The following ZNF585A variants were observed in gnomAD, a reference collection of about 807,000 sequenced individuals.
ZNF585A encodes the protein zinc finger protein 585A.
In ZNF585A, 9 loss-of-function variants were observed where a neutral mutation model predicts 14.9. The observed-to-expected ratio is 0.60, with a 90% CI of 0.36 to 1.05. The LOEUF (loss-of-function observed/expected upper bound fraction) is 1.05. Among genes scored for constraint, ZNF585A ranks in the 50% least tolerant of loss-of-function variants. The pLI is 0.01. For synonymous variants in ZNF585A, 276 were observed against 319.9 expected (o/e 0.86, Z 1.46); for missense variants, 726 against 926.4 (o/e 0.78, Z 2.81).
chr19:37,147,421 T>C lies in ZNF585A; in HGVS notation c.*4168A>G, dbSNP rs1971756749. On this transcript the variant is annotated 3_prime_UTR_variant, in exon 5 of 5. Coordinates refer to ENST00000292841, the MANE Select transcript of ZNF585A (RefSeq NM_001288800.2). Reference sequence around the variant, plus strand: ...AATTGAGATGCCTGACAAATAAAAATGTTGACTAACTCCAACTGCAGACTC... The same window carrying C: ...AATTGAGATGCCTGACAAATAAAAACGTTGACTAACTCCAACTGCAGACTC... 3 of 152,200 alleles carry C rather than the reference T, an allele frequency of 2.0e-5. No individual in the cohort carries two copies. Among genetic ancestry groups the C allele is most frequent in the Admixed American group, 6.5e-5 (1 of 15,274 alleles). The allele number at this position is 152,200 out of a possible 1,614,324, so 9.4% of individuals were successfully genotyped here.
chr19:37,161,986 C>T (rs532789455), intron 2 of ZNF585A, among the ~76,000 whole-genome samples: 1 of 152,242 alleles, frequency 6.6e-6, no homozygotes, highest in East Asian at 1.9e-4. Context: ...TGCAGTGGCG[C>T]AATCTCGGCT....
chr19:37,163,052 T>A (rs1042997062), intron 2 of ZNF585A, among the ~76,000 whole-genome samples: 4 of 152,090 alleles, frequency 2.6e-5, no homozygotes, highest in African/African-American at 9.7e-5. Flanking sequence ...ACTTGCATAT[T>A]CATGCCCTAC....
At chr19:37,171,055 C>T (rs1004045157) in intron 1 of ZNF585A, among the ~76,000 whole-genome samples, 3 of 152,042 alleles carry the variant, frequency 2.0e-5, no homozygotes, top group African/African-American at 7.2e-5. Flanking sequence ...GCATAAATGG[C>T]AGTGATATAA....
chr19:37,161,430 T>C (rs572134266), intron 2 of ZNF585A, among the ~76,000 whole-genome samples: 2 of 152,346 alleles, frequency 1.3e-5, no homozygotes, highest in South Asian at 4.1e-4. Context: ...CATTTGGGAA[T>C]GGACAAGACT....
At chr19:37,167,589 T>TTTA (rs1555777111) in intron 2 of ZNF585A, among the ~76,000 whole-genome samples, 5 of 144,086 alleles carry the variant, frequency 3.5e-5, no homozygotes, top group African/African-American at 1.3e-4. Flanking sequence ...TTACTTTTTA[T>TTTA]TTTTATTTTA....
In ZNF585A at chr19:37,172,415, C is replaced by T. The variant is rs571170163; in HGVS notation, c.-145+212G>A. 4.6e-5 allele frequency: 7 copies of T among 152,372 alleles called. No homozygotes were observed. The South Asian group carries it at 1.5e-3, about 32-fold the overall frequency. 9.4% of individuals were successfully genotyped at this position (152,372 alleles called of 1,614,324 possible). ...ATAACTGACCCTACAGGCTCTGTCA[C>T]TGACCACAGACTCCCATCACTGACC... On this transcript the variant is annotated intron_variant, in intron 1 of 4. Coordinates refer to ENST00000292841, the MANE Select transcript of ZNF585A (RefSeq NM_001288800.2).
chr19:37,161,461 C>T (rs1021723188), intron 2 of ZNF585A, among the ~76,000 whole-genome samples: 1 of 152,128 alleles, frequency 6.6e-6, no homozygotes. Flanking sequence ...AGACTCATTG[C>T]ACAATTGATG....
At position 37,153,538 on chromosome 19, in the gene ZNF585A, G is replaced by A; in HGVS notation, c.361C>T (p.Gln121Ter). Residue 121 changes from glutamine (Q) to a stop codon, truncating the protein, a stop_gained, in exon 5 of 5, where the codon CAA becomes TAA. Coordinates refer to ENST00000292841, the MANE Select transcript of ZNF585A (RefSeq NM_001288800.2). LOFTEE classifies it low-confidence loss of function (END_TRUNC). ...GCTTTCTCCCCAGGATACATTTTTT[G>A]AGGTTGAGAGGATACTTGTTTATAA... ...LSYKQVSSQP[Q>*]KMYPGEKAYE... The A allele has an allele frequency of 1.2e-6, 2 of 1,614,036 alleles. No homozygotes were observed. The highest frequency in any genetic ancestry group is 1.7e-6 in the Non-Finnish European group (2 of 1,180,014).
At chr19:37,168,525 T>C (rs1469749178) in intron 2 of ZNF585A, among the ~76,000 whole-genome samples, 1 of 152,230 alleles carries the variant, frequency 6.6e-6, no homozygotes, top group Non-Finnish European at 1.5e-5. Flanking sequence ...CTCCTTACTC[T>C]GCATAAGGAA....
chr19:37,148,972 A>T lies in ZNF585A; in HGVS notation c.*2617T>A, dbSNP rs1241864116. 1 of 152,182 alleles carries T rather than the reference A, an allele frequency of 6.6e-6. No homozygotes were observed. The highest frequency in any genetic ancestry group is 1.5e-5 in the Non-Finnish European group (1 of 68,030). 9.4% of individuals were successfully genotyped at this position (152,182 alleles called of 1,614,324 possible). ...AAGGTAAAACTATGGAGACAGAAAA[A>T]ATGTTGCCAGGATTAGAGGAGATGA... On this transcript the variant is annotated 3_prime_UTR_variant, in exon 5 of 5. Coordinates refer to ENST00000292841, the MANE Select transcript of ZNF585A (RefSeq NM_001288800.2).
intron 1 of ZNF585A, 21 bp from the exon 2 acceptor site, chr19:37,170,075 TAGTC>T: frequency 1.4e-6 from 1 of 701,984 alleles, no homozygotes; most frequent in Non-Finnish European, 2.3e-6. Flanking sequence ...AATGTTCCCA[TAGTC>T]AGTCATTTCA....
chr19:37,153,738 G>A (rs1168207708), intron 4 of ZNF585A, 132 bp from the exon 5 acceptor site: 2 of 809,708 alleles, frequency 2.5e-6, no homozygotes, highest in Non-Finnish European at 3.7e-6. Flanking sequence ...TTCCAAATGA[G>A]GCATATTGAT....
intron 1 of ZNF585A, among the ~76,000 whole-genome samples, chr19:37,171,458 T>C (rs1471560866): frequency 6.6e-6 from 1 of 152,210 alleles, no homozygotes; most frequent in Non-Finnish European, 1.5e-5. Context: ...CAATTAGATA[T>C]AATTTTCCCT....
chr19:37,156,492 T>C, intron 2 of ZNF585A, 137 bp from the exon 3 acceptor site: 3 of 1,200,760 alleles, frequency 2.5e-6, no homozygotes, highest in East Asian at 5.2e-5. Flanking sequence ...ATTTCTCTAA[T>C]ACTTTATTAT....
intron 2 of ZNF585A, among the ~76,000 whole-genome samples, chr19:37,167,065 C>T (rs539782621): frequency 1.3e-5 from 2 of 152,098 alleles, no homozygotes; most frequent in South Asian, 2.1e-4. Context: ...AACTCCTAAG[C>T]TCAAGCAATC....
In ZNF585A at chr19:37,148,200, G is replaced by T. The variant is rs182597443; in HGVS notation, c.*3389C>A. ...AATTTATGGCACGTTTTCATTTTTA[G>T]CCATTCTAAAAGCCATTCTATAGTA... is the stretch of plus-strand genomic sequence containing the variant. On this transcript the variant is annotated 3_prime_UTR_variant, in exon 5 of 5. Transcript: ENST00000292841. 1 of 152,142 alleles carries T rather than the reference G, an allele frequency of 6.6e-6. No individual in the cohort carries two copies. The highest frequency in any genetic ancestry group is 2.4e-5 in the African/African-American group (1 of 41,502). The allele number at this position is 152,142 out of a possible 1,614,324, so 9.4% of individuals were successfully genotyped here. A position where few individuals can be genotyped will look rare whatever the true frequency, so the allele number is the denominator to read the frequency against.
chr19:37,169,983 G>A lies in ZNF585A; in HGVS notation c.-73C>T, dbSNP rs1331002299. 2.6e-6 allele frequency: 4 copies of A among 1,551,508 alleles called. No homozygotes were observed. Among genetic ancestry groups the A allele is most frequent in the Non-Finnish European group, 3.5e-6 (4 of 1,149,158 alleles). On this transcript the variant is annotated 5_prime_UTR_variant, in exon 2 of 5. Coordinates refer to ENST00000292841, the MANE Select transcript of ZNF585A (RefSeq NM_001288800.2). Reference sequence around the variant, plus strand: ...GCAGTCATCTGTGAACTCAAGCAGAGCTGCTCTGAAGAGATGGGCTGGAGT... The same window carrying A: ...GCAGTCATCTGTGAACTCAAGCAGAACTGCTCTGAAGAGATGGGCTGGAGT...
In ZNF585A at chr19:37,156,055, A is replaced by G. The variant is rs192694267; in HGVS notation, c.200-98T>C. The G allele has an allele frequency of 1.3e-4, 208 of 1,581,598 alleles. 1 individual carries two copies. In the African/African-American group the frequency reaches 2.5e-3, roughly 19 times the overall value. On this transcript the variant is annotated intron_variant, in intron 3 of 4. Coordinates refer to ENST00000292841, the MANE Select transcript of ZNF585A (RefSeq NM_001288800.2). ...CTTTGATGAGGATTTTTTCTTCAGA[A>G]AAGTAACCATAACTTTTCAGGGTAA...
rs1366016893 is a variant in ZNF585A at position 37,155,938 on chromosome 19, T to C, written c.219A>G (p.Ala73=). 1.2e-6 allele frequency: 2 copies of C among 1,613,370 alleles called. No homozygotes were observed. Among genetic ancestry groups the C allele is most frequent in the South Asian group, 1.1e-5 (1 of 91,032 alleles). ...TTCCTTGCTCCAACATGACCACCTC[T>C]GCTTCAGGAACTTGATATCCTGTTC... ...LLSVGYQVPE[A]EVVMLEQGKE... is the part of the protein sequence containing the mutation. The change falls in exon 4 of 5, where the codon GCA becomes GCG. Residue 73 remains alanine, a synonymous_variant. Transcript: ENST00000292841.
Sources: gnomAD v4.1 joint callset for allele counts (sites outside exome capture counted in the v4.1 genomes callset) on GRCh38, gnomAD v4.1.1 for gene constraint, MANE v1.5 for transcripts, NCBI Gene and HGNC (gene_info 2026-07-23, HGNC 2026-07-21) for gene names.